CAMK2B: variants seen among roughly 807,000 people sequenced by gnomAD.
CAMK2B encodes calcium/calmodulin dependent protein kinase II beta, also known as calcium/calmodulin-dependent protein kinase type II subunit beta.
CAMK2B carries 27 observed loss-of-function variants against 93.7 expected under a neutral mutation model. The ratio of observed to expected loss-of-function variants is 0.29; its 90% CI spans 0.21 to 0.40. CAMK2B has a LOEUF of 0.40. CAMK2B is among the 10% of genes least tolerant of loss of function. The pLI is 1.00. For synonymous variants in CAMK2B, 374 were observed against 358.8 expected, an observed-to-expected ratio of 1.04 and a Z score of -0.48; for missense variants, 568 against 895.8, an observed-to-expected ratio of 0.63 and a Z score of 4.67.
rs750307215 is a variant in CAMK2B, at chr7:44,242,670, G to A, written c.602-16C>T. 6.3e-7 allele frequency: 1 copy of A among 1,578,934 alleles called. No individual in the cohort carries two copies. Among genetic ancestry groups the A allele is most frequent in the East Asian group, 2.3e-5 (1 of 44,406 alleles). ...AGGATCACCCCTGCGGATGGGGCCT[G>A]TGAGCACCGCAGCCACTTGCAGGGT... On this transcript the variant is annotated splice_polypyrimidine_tract_variant and intron_variant, in intron 8 of 23. Transcript: ENST00000395749.
chr7:44,288,874 C>T (rs1785903462), intron 1 of CAMK2B, among the ~76,000 whole-genome samples: 1 of 152,092 alleles, frequency 6.6e-6, no homozygotes, highest in Admixed American at 6.5e-5. Flanking sequence ...GGGTGAAGGC[C>T]ACCTGCGAGG....
At chr7:44,249,894 CT>C (rs1354716538) in intron 5 of CAMK2B, among the ~76,000 whole-genome samples, 1 of 152,192 alleles carries the variant, frequency 6.6e-6, no homozygotes, top group Non-Finnish European at 1.5e-5. Flanking sequence ...TCAGCCTCCC[CT>C]GCTGAGGAGG....
chr7:44,287,677 A>T (rs1012412863), intron 1 of CAMK2B, among the ~76,000 whole-genome samples: 1 of 152,190 alleles, frequency 6.6e-6, no homozygotes, highest in African/African-American at 2.4e-5. Flanking sequence ...GCCAGTGTTT[A>T]TAAACATTGA....
At chr7:44,303,953 C>T (rs1790770817) in intron 1 of CAMK2B, among the ~76,000 whole-genome samples, 1 of 152,164 alleles carries the variant, frequency 6.6e-6, no homozygotes, top group African/African-American at 2.4e-5. Context: ...AGATACCTCA[C>T]CGAAGAAGAT....
At chr7:44,272,132 T>A (rs2096980312) in intron 2 of CAMK2B, among the ~76,000 whole-genome samples, 1 of 151,254 alleles carries the variant, frequency 6.6e-6, no homozygotes, top group African/African-American at 2.4e-5. Context: ...GATGCTGCCA[T>A]AGTGGGCTGG....
intron 2 of CAMK2B, among the ~76,000 whole-genome samples, chr7:44,266,006 G>C (rs1457760350): frequency 6.6e-6 from 1 of 151,946 alleles, no homozygotes; most frequent in Non-Finnish European, 1.5e-5. Flanking sequence ...CCCTCCCCCA[G>C]TTTTGACAGT....
chr7:44,233,501 G>A (rs1230848775), intron 15 of CAMK2B, among the ~76,000 whole-genome samples: 1 of 152,126 alleles, frequency 6.6e-6, no homozygotes, highest in Non-Finnish European at 1.5e-5. Flanking sequence ...TCTGGGGCTG[G>A]CTCCCGAAGC....
In CAMK2B at chr7:44,224,274, C is replaced by G. The variant is rs1429570007; in HGVS notation, c.1597+2242G>C. Among the ~76,000 whole-genome samples the G allele has an allele frequency of 6.6e-6, 1 of 151,780 alleles. No homozygotes were observed. The highest frequency in any genetic ancestry group is 2.4e-5 in the African/African-American group (1 of 41,414). On this transcript the variant is annotated intron_variant, in intron 20 of 23. Coordinates refer to ENST00000395749, the MANE Select transcript of CAMK2B (RefSeq NM_001220.5). The surrounding 1 kb of genome is among the most constrained non-coding windows in gnomAD (Gnocchi z 4.4). ...CCAGACCCCAGCTCAACCCAGCCCCCACTCTGCCTCCCCACATAGCACATG... is the reference window on the plus strand; with the variant it reads ...CCAGACCCCAGCTCAACCCAGCCCCGACTCTGCCTCCCCACATAGCACATG...
chr7:44,288,071 G>A (rs564765372), intron 1 of CAMK2B, among the ~76,000 whole-genome samples: 4 of 152,326 alleles, frequency 2.6e-5, no homozygotes, highest in South Asian at 2.1e-4. Flanking sequence ...CAGGAAGAGC[G>A]GCCCCTAGAG....
chr7:44,300,560 G>A (rs1171474667), intron 1 of CAMK2B, among the ~76,000 whole-genome samples: 2 of 151,698 alleles, frequency 1.3e-5, no homozygotes, highest in Non-Finnish European at 2.9e-5. Context: ...AATAATAAAA[G>A]GGTCAGTTTT....
rs1306631557 is a variant in CAMK2B, at chr7:44,228,834, C to T, written c.1430G>A (p.Cys477Tyr). 2 of 1,500,228 alleles carry T rather than the reference C, an allele frequency of 1.3e-6. No homozygotes were observed. Among genetic ancestry groups the T allele is most frequent in the Non-Finnish European group, 1.8e-6 (2 of 1,129,440 alleles). 92.9% of individuals were successfully genotyped at this position (1,500,228 alleles called of 1,614,324 possible). ...GGGGCCTAGGAGAGCCGGAGACAGG[C>T]AGGGCGGGGGCCCCGCTGAGAGGGG... is the stretch of plus-strand genomic sequence containing the variant. The part of the protein sequence containing the change: ...EGPLSAGPPP[C>Y]LSPALLGPLS... Residue 477 changes from cysteine to tyrosine, a missense_variant, in exon 19 of 24, where the codon TGC becomes TAC. By Grantham distance (194) the Cys-to-Tyr change is radical. This residue lies in a region of CAMK2B where 308 missense variants were observed against 292.1 expected (regional missense o/e 1.05). Coordinates refer to ENST00000395749, the MANE Select transcript of CAMK2B (RefSeq NM_001220.5).
In CAMK2B at chr7:44,226,529, G is replaced by A; in HGVS notation, c.1584C>T (p.Pro528=). The part of the protein sequence containing the change: ...PPCPSPTIPG[P]LPTPSRKQEI... Reference sequence around the variant, plus strand: ...GGTGCTACTTACATGGGGTGGGCAGGGGGCCAGGGATAGTCGGAGATGGGC... The same window carrying A: ...GGTGCTACTTACATGGGGTGGGCAGAGGGCCAGGGATAGTCGGAGATGGGC... Residue 528 remains proline, a synonymous_variant, in exon 20 of 24, where the codon CCC becomes CCT. Coordinates refer to ENST00000395749, the MANE Select transcript of CAMK2B (RefSeq NM_001220.5). 3.4e-6 allele frequency: 5 copies of A among 1,453,334 alleles called. No individual in the cohort carries two copies. Among genetic ancestry groups the A allele is most frequent in the Non-Finnish European group, 4.5e-6 (5 of 1,104,384 alleles). The allele number at this position is 1,453,334 out of a possible 1,614,324, so 90.0% of individuals were successfully genotyped here.
intron 4 of CAMK2B, 82 bp from the exon 5 acceptor site, chr7:44,254,689 CCATCACCACTAT>C (rs1409936512): frequency 5.7e-6 from 5 of 870,702 alleles, no homozygotes; most frequent in Non-Finnish European, 9.8e-6. Flanking sequence ...ACCACCACCA[CCATCACCACTAT>C]CATCACCATC....
rs1793818524 is a variant in CAMK2B, at chr7:44,312,509, G to A, written c.65+12848C>T. 6.6e-6 allele frequency among the ~76,000 whole-genome samples: 1 copy of A among 152,134 alleles called. No individual in the cohort carries two copies. The highest frequency in any genetic ancestry group is 2.4e-5 in the African/African-American group (1 of 41,436). On this transcript the variant is annotated intron_variant, in intron 1 of 23. Transcript: ENST00000395749. The surrounding 1 kb of genome is among the most constrained non-coding windows in gnomAD (Gnocchi z 4.1). ...GGAAGGAGGGGAGGATGATGAGGCT[G>A]GAGAAAGAAACAGCCCCAGGTCCTT...
chr7:44,308,259 T>A (rs192308054), intron 1 of CAMK2B, among the ~76,000 whole-genome samples: 5 of 152,268 alleles, frequency 3.3e-5, no homozygotes, highest in African/African-American at 1.2e-4. Flanking sequence ...CCATCCTGAC[T>A]CTCACCTGAG....
chr7:44,292,050 C>T (rs1029247917), intron 1 of CAMK2B, among the ~76,000 whole-genome samples: 2 of 152,208 alleles, frequency 1.3e-5, no homozygotes, highest in African/African-American at 4.8e-5. Flanking sequence ...TATTTATTTT[C>T]TTACAGTTCT....
intron 1 of CAMK2B, among the ~76,000 whole-genome samples, chr7:44,305,562 G>A (rs1207638687): frequency 6.6e-6 from 1 of 152,236 alleles, no homozygotes; most frequent in East Asian, 1.9e-4. Context: ...CCCCTGAGGT[G>A]CCCTGCACTG....
In CAMK2B at chr7:44,286,240, T is replaced by C. The variant is rs1785052468; in HGVS notation, c.66-2015A>G. 6.6e-6 allele frequency among the ~76,000 whole-genome samples: 1 copy of C among 152,074 alleles called. No individual in the cohort carries two copies. Among genetic ancestry groups the C allele is most frequent in the Non-Finnish European group, 1.5e-5 (1 of 68,008 alleles). ...TCCCGAAACCAGTCCTGAGCTACCATCTGTCACGCTCTGACCCCTAGAGGG... is the reference window on the plus strand; with the variant it reads ...TCCCGAAACCAGTCCTGAGCTACCACCTGTCACGCTCTGACCCCTAGAGGG... On this transcript the variant is annotated intron_variant, in intron 1 of 23. Coordinates refer to ENST00000395749, the MANE Select transcript of CAMK2B (RefSeq NM_001220.5). This position sits in a 1 kb window ranked among gnomAD's most constrained non-coding sequence, Gnocchi z 4.0.
In CAMK2B at chr7:44,220,913, C is replaced by T; in HGVS notation, c.1598-12G>A. On this transcript the variant is annotated splice_polypyrimidine_tract_variant and intron_variant, in intron 20 of 23. Coordinates refer to ENST00000395749, the MANE Select transcript of CAMK2B (RefSeq NM_001220.5). ...CTCCTGCTTCCGGGCTGTGGGGAGACATGGCCAGGTGACCACTGGGCGCTG... is the reference window on the plus strand; with the variant it reads ...CTCCTGCTTCCGGGCTGTGGGGAGATATGGCCAGGTGACCACTGGGCGCTG... 1 of 1,557,902 alleles carries T rather than the reference C, an allele frequency of 6.4e-7. No individual in the cohort carries two copies. The highest frequency in any genetic ancestry group is 8.7e-7 in the Non-Finnish European group (1 of 1,150,138).
Sources: gnomAD v4.1 joint callset for allele counts (sites outside exome capture counted in the v4.1 genomes callset) on GRCh38, gnomAD v4.1.1 for gene constraint, gnomAD v4.1.1 regional missense constraint, Gnocchi (gnomAD v3.1) non-coding constraint, MANE v1.5 for transcripts, NCBI Gene and HGNC (gene_info 2026-07-23, HGNC 2026-07-21) for gene names.